HEBP1: variants seen among roughly 807,000 people sequenced by gnomAD.
HEBP1 encodes the protein heme binding protein 1.
In HEBP1, 13 loss-of-function variants were observed where a neutral mutation model predicts 20.4. The observed-to-expected ratio is 0.64, with a 90% CI of 0.42 to 1.01. The LOEUF is 1.01. Ranked by LOEUF, HEBP1 falls within the 50% of genes least tolerant of loss-of-function variation. The probability of loss-of-function intolerance (pLI) is 0.00; values close to 1 mark genes in which losing one functional copy is unlikely to be tolerated. For missense variants in HEBP1, 241 were observed against 247.3 expected, an observed-to-expected ratio of 0.97 and a Z score of 0.17; for synonymous variants, 92 against 90.7, an observed-to-expected ratio of 1.01 and a Z score of -0.08.
intron 1 of HEBP1, among the ~76,000 whole-genome samples, chr12:12,993,165 T>C (rs1034019233): frequency 1.0e-5 from 1 of 96,362 alleles, no homozygotes; most frequent in African/African-American, 4.4e-5. Flanking sequence ...CTTCCTTCCT[T>C]CCTCTCTCTC....
At position 12,987,285 on chromosome 12, in the gene HEBP1, TG is replaced by T; in HGVS notation, c.264del (p.Asn89MetfsTer10). 6.2e-7 allele frequency: 1 copy of T among 1,614,086 alleles called. No homozygotes were observed. The highest frequency in any genetic ancestry group is 8.5e-7 in the Non-Finnish European group (1 of 1,180,008). On this transcript the variant is annotated frameshift_variant, in exon 3 of 4. Transcript: ENST00000014930. LOFTEE classifies it high-confidence loss of function. ...TTCTTCTGCAGAGAGCCATCTTCAT[TG>T]GGGAACACAGCAAAGGAAATAGGGA... The part of the protein sequence containing the change: ...MTVPISFAVF[P>X]NEDGSLQKKL...
intron 3 of HEBP1, among the ~76,000 whole-genome samples, chr12:12,985,156 A>AAG (rs1300298862): frequency 6.6e-6 from 1 of 152,206 alleles, no homozygotes; most frequent in African/African-American, 2.4e-5. Context: ...GGAAAAAAAA[A>AAG]AAAAGTAATG....
intron 3 of HEBP1, chr12:12,984,524 T>A (rs1864128875): frequency 6.6e-6 from 1 of 152,212 alleles, no homozygotes; most frequent in Non-Finnish European, 1.5e-5. Context: ...CACGGAAATA[T>A]AATCAGCAAA....
In HEBP1 at chr12:12,996,773, TTACTG is replaced by T. The variant is rs1864295495; in HGVS notation, c.78+3259_78+3263del. Among the ~76,000 whole-genome samples the T allele has an allele frequency of 2.0e-5, 3 of 152,322 alleles. No individual in the cohort carries two copies. Among genetic ancestry groups the T allele is most frequent in the South Asian group, 4.1e-4 (2 of 4,832 alleles). Reference sequence around the variant, plus strand: ...GGATGTTAAGTAATTTACCCAAACTTTACTGTAAAACTACAGTAAAGCTAACCATT... The same window carrying T: ...GGATGTTAAGTAATTTACCCAAACTTTAAAACTACAGTAAAGCTAACCATT... On this transcript the variant is annotated intron_variant, in intron 1 of 3. Coordinates refer to ENST00000014930, the MANE Select transcript of HEBP1 (RefSeq NM_015987.5). This position sits in a 1 kb window ranked among gnomAD's most constrained non-coding sequence, Gnocchi z 4.1.
intron 1 of HEBP1, among the ~76,000 whole-genome samples, chr12:12,995,688 A>G (rs1305952636): frequency 6.6e-6 from 1 of 152,232 alleles, no homozygotes; most frequent in Non-Finnish European, 1.5e-5. Flanking sequence ...CTCTATTTAA[A>G]TGTATTTAAC....
At chr12:12,995,768 T>C (rs1422995687) in intron 1 of HEBP1, among the ~76,000 whole-genome samples, 1 of 152,222 alleles carries the variant, frequency 6.6e-6, no homozygotes, top group Non-Finnish European at 1.5e-5. Flanking sequence ...AAATTTAACA[T>C]CTTTAGTGCA....
At position 12,994,966 on chromosome 12, in the gene HEBP1, C is replaced by G. The variant is rs78280869; in HGVS notation, c.78+5071G>C. 2.0e-5 allele frequency among the ~76,000 whole-genome samples: 3 copies of G among 152,322 alleles called. No individual in the cohort carries two copies. The East Asian group carries it at 5.8e-4, about 29-fold the overall frequency. ...AGGCATTCATTCATCAAGTTCTTAA[C>G]CTGCCCTTGATGATGCAGGCACCAC... On this transcript the variant is annotated intron_variant, in intron 1 of 3. Transcript: ENST00000014930.
At chr12:12,977,460 A>C (rs1441824182) in intron 3 of HEBP1, 4 of 152,272 alleles carry the variant, frequency 2.6e-5, no homozygotes, top group Non-Finnish European at 4.4e-5. Context: ...CTGTGGTCCC[A>C]GCTACTTGGG....
At chr12:12,979,894 G>C (rs965283057) in intron 3 of HEBP1, 1 of 152,160 alleles carries the variant, frequency 6.6e-6, no homozygotes, top group African/African-American at 2.4e-5. Flanking sequence ...AAAAGGTCTG[G>C]AAGAGTTAGA....
At chr12:12,976,491 G>C (rs939333075) in intron 3 of HEBP1, among the ~76,000 whole-genome samples, 1 of 152,188 alleles carries the variant, frequency 6.6e-6, no homozygotes, top group African/African-American at 2.4e-5. Flanking sequence ...CTAATGAGCT[G>C]TATGACTCAA....
At chr12:12,979,352 A>C (rs1429221710) in intron 3 of HEBP1, 1 of 152,488 alleles carries the variant, frequency 6.6e-6, no homozygotes, top group Admixed American at 6.5e-5. Flanking sequence ...GAAAACAAAC[A>C]AACTGGGTGG....
chr12:12,998,173 A>G lies in HEBP1; in HGVS notation c.78+1864T>C, dbSNP rs115075926. Among the ~76,000 whole-genome samples the G allele has an allele frequency of 2.2e-3, 342 of 152,084 alleles. 2 individuals carry two copies. The highest frequency in any genetic ancestry group is 7.9e-3 in the African/African-American group (327 of 41,472). The stretch of plus-strand genomic sequence containing the variant: ...GCTTTTCTTCACAGCACTGATCACT[A>G]TCTGATCCATGATACATTTTATTTG... On this transcript the variant is annotated intron_variant, in intron 1 of 3. Coordinates refer to ENST00000014930, the MANE Select transcript of HEBP1 (RefSeq NM_015987.5). This position sits in a 1 kb window ranked among gnomAD's most constrained non-coding sequence, Gnocchi z 4.2.
At chr12:12,983,752 G>A (rs776347341) in intron 3 of HEBP1, 10 of 455,920 alleles carry the variant, frequency 2.2e-5, no homozygotes, top group Non-Finnish European at 8.8e-6. Context: ...AGATTTCAGA[G>A]AATTAAAAGG....
intron 2 of HEBP1, among the ~76,000 whole-genome samples, chr12:12,987,773 A>G (rs1592404060): frequency 1.3e-5 from 2 of 151,982 alleles, no homozygotes; most frequent in East Asian, 3.9e-4. Flanking sequence ...AGTAGATGGG[A>G]TTACAGGTGT....
In HEBP1 at chr12:12,987,214, T is replaced by C; in HGVS notation, c.336A>G (p.Pro112=). The change falls in exon 3 of 4, where the codon CCA becomes CCG. Residue 112 remains proline (P), a synonymous_variant. Transcript: ENST00000014930. Reference sequence around the variant, plus strand: ...TAACGCTTTTGTCACTGGGAGCTGGTGGGTCGCTTTGAAATTGGTTTGGAA... The same window carrying C: ...TAACGCTTTTGTCACTGGGAGCTGGCGGGTCGCTTTGAAATTGGTTTGGAA... ...FRIPNQFQSD[P]PAPSDKSVKI... is the part of the protein sequence containing the mutation. 6.2e-7 allele frequency: 1 copy of C among 1,614,096 alleles called. No homozygotes were observed. The highest frequency in any genetic ancestry group is 8.5e-7 in the Non-Finnish European group (1 of 1,179,982).
chr12:12,980,408 C>G (rs1170258355), intron 3 of HEBP1: 1 of 152,130 alleles, frequency 6.6e-6, no homozygotes. Context: ...CCAGAATGTT[C>G]TGGGGGTGAG....
At chr12:12,994,022 A>G (rs1024804393) in intron 1 of HEBP1, among the ~76,000 whole-genome samples, 1 of 152,204 alleles carries the variant, frequency 6.6e-6, no homozygotes, top group African/African-American at 2.4e-5. Context: ...TGGAATAAAC[A>G]TTGTCGAAAA....
chr12:12,993,468 T>A (rs1864251637), intron 1 of HEBP1, among the ~76,000 whole-genome samples: 1 of 143,850 alleles, frequency 7.0e-6, no homozygotes, highest in African/African-American at 2.5e-5. Context: ...GTGTCTTTGC[T>A]TTTTTTTTTT....
chr12:12,998,679 A>G lies in HEBP1; in HGVS notation c.78+1358T>C, dbSNP rs1190270256. 6.6e-6 allele frequency among the ~76,000 whole-genome samples: 1 copy of G among 152,236 alleles called. No individual in the cohort carries two copies. Among genetic ancestry groups the G allele is most frequent in the Non-Finnish European group, 1.5e-5 (1 of 68,038 alleles). On this transcript the variant is annotated intron_variant, in intron 1 of 3. Transcript: ENST00000014930. The surrounding 1 kb of genome is among the most constrained non-coding windows in gnomAD (Gnocchi z 4.2). The stretch of plus-strand genomic sequence containing the variant: ...GAGTCTAATTGAGGGCTTTCGTGAT[A>G]TGAAGATCATTGTACTAGGTATCAG...
Sources: allele counts gnomAD v4.1 joint callset (sites outside exome capture counted in the v4.1 genomes callset), GRCh38; gene constraint gnomAD v4.1.1; non-coding constraint Gnocchi (gnomAD v3.1); transcripts MANE v1.5; gene names NCBI Gene and HGNC (gene_info 2026-07-23, HGNC 2026-07-21).